The following PRPF6 variants were observed in gnomAD, a reference collection of about 807,000 sequenced individuals.
PRPF6 encodes the protein pre-mRNA processing factor 6.
Under a neutral mutation model 118.3 loss-of-function variants are expected in PRPF6, and 42 were observed. That is an observed-to-expected ratio of 0.35 (90% CI 0.28 to 0.46). PRPF6 has a LOEUF of 0.46. PRPF6 is among the 20% of genes least tolerant of loss of function. The pLI, the probability that PRPF6 is intolerant of heterozygous loss-of-function variation, is 1.00. For missense variants in PRPF6, 662 were observed against 1,255.7 expected, an observed-to-expected ratio of 0.53 and a Z score of 7.15; for synonymous variants, 481 against 485.1, an observed-to-expected ratio of 0.99 and a Z score of 0.11.
chr20:64,027,496 C>A lies in PRPF6; in HGVS notation c.2206-107C>A. Reference sequence around the variant, plus strand: ...GAGGGGTGTTTTTCCATGGACATGGCAGCCCTGAGGGACTCGGTCACCCAC... The same window carrying A: ...GAGGGGTGTTTTTCCATGGACATGGAAGCCCTGAGGGACTCGGTCACCCAC... On this transcript the variant is annotated intron_variant, in intron 16 of 20. Transcript: ENST00000266079. This position sits in a 1 kb window ranked among gnomAD's most constrained non-coding sequence, Gnocchi z 6.5. The A allele has an allele frequency of 1.3e-6, 2 of 1,505,578 alleles. No individual in the cohort carries two copies. The highest frequency in any genetic ancestry group is 2.3e-5 in the East Asian group (1 of 44,282). 93.3% of individuals were successfully genotyped at this position (1,505,578 alleles called of 1,614,324 possible). A position where few individuals can be genotyped will look rare whatever the true frequency, so the allele number is the denominator to read the frequency against.
intron 1 of PRPF6, among the ~76,000 whole-genome samples, chr20:63,982,504 A>AATC (rs2059075088): frequency 6.6e-6 from 1 of 152,182 alleles, no homozygotes; most frequent in Non-Finnish European, 1.5e-5. Flanking sequence ...TTTTGGGAAG[A>AATC]ATCATCTGGC....
intron 9 of PRPF6, among the ~76,000 whole-genome samples, chr20:64,007,379 C>T (rs2059195055): frequency 6.9e-6 from 1 of 144,414 alleles, no homozygotes; most frequent in Non-Finnish European, 1.5e-5. Context: ...TCCCCGCCTC[C>T]CCTCCCCTCT....
chr20:63,999,214 A>G (rs925430501), intron 7 of PRPF6, 75 bp downstream of exon 7: 2 of 1,224,162 alleles, frequency 1.6e-6, no homozygotes, highest in Non-Finnish European at 2.4e-6. Context: ...TTATATGGAC[A>G]GTATGCTGTC....
At position 64,000,481 on chromosome 20, in the gene PRPF6, A is replaced by G. The variant is rs1362781828; in HGVS notation, c.1024-596A>G. On this transcript the variant is annotated intron_variant, in intron 8 of 20. Coordinates refer to ENST00000266079, the MANE Select transcript of PRPF6 (RefSeq NM_012469.4). Reference sequence around the variant, plus strand: ...CAAAAAAAAAAAAAAAAACAACAAAAAAGAACGACCCGAGCAGATGTGCAG... The same window carrying G: ...CAAAAAAAAAAAAAAAAACAACAAAGAAGAACGACCCGAGCAGATGTGCAG... Among the ~76,000 whole-genome samples, 10 of 151,766 alleles carry G rather than the reference A, an allele frequency of 6.6e-5. No homozygotes were observed. The East Asian group carries it at 1.4e-3, about 21-fold the overall frequency.
intron 6 of PRPF6, 108 bp from the exon 7 acceptor site, chr20:63,998,937 C>A: frequency 1.4e-6 from 1 of 732,088 alleles, no homozygotes. Context: ...TTTCCTTCTC[C>A]TTCTGACTGC....
At chr20:64,017,483 A>G (rs2059244242) in intron 12 of PRPF6, among the ~76,000 whole-genome samples, 1 of 148,580 alleles carries the variant, frequency 6.7e-6, no homozygotes, top group Non-Finnish European at 1.5e-5. Context: ...CTGGGATCAC[A>G]GGCGTGAGCC....
In PRPF6 at chr20:64,027,205, C is replaced by G; in HGVS notation, c.2205+47C>G. 1 of 1,605,314 alleles carries G rather than the reference C, an allele frequency of 6.2e-7. No homozygotes were observed. Among genetic ancestry groups the G allele is most frequent in the Non-Finnish European group, 8.5e-7 (1 of 1,175,588 alleles). On this transcript the variant is annotated intron_variant, in intron 16 of 20. Transcript: ENST00000266079. This position sits in a 1 kb window ranked among gnomAD's most constrained non-coding sequence, Gnocchi z 6.5. ...GGGGCTGCAGCTGACCCGGCATTCACAAAACTGAGCCCCCTGGTGCAGGGT... is the reference window on the plus strand; with the variant it reads ...GGGGCTGCAGCTGACCCGGCATTCAGAAAACTGAGCCCCCTGGTGCAGGGT...
At chr20:63,999,003 C>T (rs1470235848) in intron 6 of PRPF6, 42 bp from the exon 7 acceptor site, 2 of 1,509,760 alleles carry the variant, frequency 1.3e-6, no homozygotes, top group South Asian at 1.1e-5. Flanking sequence ...TGTTTTGCAC[C>T]TGGTCATGTC....
At chr20:64,018,949 CAT>C (rs1005249887) in intron 12 of PRPF6, among the ~76,000 whole-genome samples, 5 of 152,222 alleles carry the variant, frequency 3.3e-5, no homozygotes, top group Non-Finnish European at 5.9e-5. Flanking sequence ...GTGATACACA[CAT>C]GATTCTTTTG....
chr20:64,024,409 C>T, intron 13 of PRPF6, 146 bp from the exon 14 acceptor site: 2 of 1,043,472 alleles, frequency 1.9e-6, no homozygotes, highest in East Asian at 2.5e-5. Flanking sequence ...CCCACACTCT[C>T]CCCATTGTAA....
chr20:64,011,373 A>G lies in PRPF6; in HGVS notation c.1394A>G (p.His465Arg), dbSNP rs765453141. 1.2e-5 allele frequency: 19 copies of G among 1,614,076 alleles called. No homozygotes were observed. Among genetic ancestry groups the G allele is most frequent in the Non-Finnish European group, 1.6e-5 (19 of 1,180,042 alleles). Residue 465 changes from histidine (H) to arginine (R), a missense_variant, in exon 11 of 21, where the codon CAT becomes CGT. Around this residue, in one of 10 missense-constraint regions of PRPF6, gnomAD observed 189 missense variants for 323.5 expected, o/e 0.58. Transcript: ENST00000266079. The surrounding 1 kb of genome is among the most constrained non-coding windows in gnomAD (Gnocchi z 6.7). ...KARENIPTDR[H>R]IWITAAKLEE... ...CGGGAGAACATTCCTACAGACCGAC[A>G]TATCTGGATCACGGCTGCTAAGCTG...
chr20:63,988,186 G>T (rs1387849081), intron 3 of PRPF6, among the ~76,000 whole-genome samples: 1 of 152,114 alleles, frequency 6.6e-6, no homozygotes, highest in Non-Finnish European at 1.5e-5. Context: ...TGGGTGTAGT[G>T]GCACACGTCT....
chr20:64,001,898 T>C (rs2123027785), intron 9 of PRPF6, among the ~76,000 whole-genome samples: 1 of 152,112 alleles, frequency 6.6e-6, no homozygotes, highest in Non-Finnish European at 1.5e-5. Context: ...TCACTGGAAG[T>C]GTGTAGTAGA....
chr20:63,989,282 C>T (rs140791195), intron 3 of PRPF6, among the ~76,000 whole-genome samples: 67 of 152,116 alleles, frequency 4.4e-4, no homozygotes, highest in African/African-American at 1.6e-3. Context: ...TAGAAGAAAA[C>T]ATTGGAGAAA....
chr20:64,013,975 C>T (rs1042186668), intron 11 of PRPF6, among the ~76,000 whole-genome samples: 1 of 151,686 alleles, frequency 6.6e-6, no homozygotes, highest in Non-Finnish European at 1.5e-5. Flanking sequence ...GTCTCTGTCT[C>T]CCAAGCTGGA....
chr20:63,993,226 ATGTGTGTGTG>A (rs61077852), intron 3 of PRPF6, among the ~76,000 whole-genome samples, 171 bp from the exon 4 acceptor site: 16 of 129,334 alleles, frequency 1.2e-4, no homozygotes, highest in South Asian at 2.8e-4. Flanking sequence ...AAAAAAAAAA[ATGTGTGTGTG>A]TGTGTGTGTG....
Position 64,011,723 on chromosome 20 carries a change from G to A in PRPF6, c.1524+220G>A, listed in dbSNP as rs1215452889. On this transcript the variant is annotated intron_variant, in intron 11 of 20. Coordinates refer to ENST00000266079, the MANE Select transcript of PRPF6 (RefSeq NM_012469.4). This position sits in a 1 kb window ranked among gnomAD's most constrained non-coding sequence, Gnocchi z 6.7. ...TCGTCTTGGGGTGAACACTTCAGAA[G>A]CCCTTTCAGTGTGTGCACACCTGAC... Among the ~76,000 whole-genome samples the A allele has an allele frequency of 6.6e-6, 1 of 152,260 alleles. No homozygotes were observed. The highest frequency in any genetic ancestry group is 1.5e-5 in the Non-Finnish European group (1 of 68,050).
chr20:64,031,692 C>CAAAAA (rs375126006), intron 19 of PRPF6, among the ~76,000 whole-genome samples: 3 of 119,046 alleles, frequency 2.5e-5, no homozygotes, highest in Admixed American at 8.0e-5. Context: ...AAAAAAAAAA[C>CAAAAA]AACAAAAAAA....
chr20:64,005,231 A>G (rs1424871544), intron 9 of PRPF6, among the ~76,000 whole-genome samples: 2 of 152,264 alleles, frequency 1.3e-5, no homozygotes, highest in East Asian at 1.9e-4. Context: ...ATGAGATGCC[A>G]TGGAGATATG....
Sources: gnomAD v4.1 joint callset for allele counts (sites outside exome capture counted in the v4.1 genomes callset) on GRCh38, gnomAD v4.1.1 for gene constraint, gnomAD v4.1.1 regional missense constraint, Gnocchi (gnomAD v3.1) non-coding constraint, MANE v1.5 for transcripts, NCBI Gene and HGNC (gene_info 2026-07-23, HGNC 2026-07-21) for gene names.